The following CMYA5 variants were observed in gnomAD, a reference collection of about 807,000 sequenced individuals.
CMYA5 encodes cardiomyopathy associated 5.
A neutral mutation model predicts 318.9 loss-of-function variants in CMYA5; 246 were observed. The observed-to-expected ratio is 0.77, with a 90% CI of 0.70 to 0.86. CMYA5 has a LOEUF of 0.86. Ranked by LOEUF, CMYA5 falls within the 40% of genes least tolerant of loss-of-function variation. The pLI is 0.00. For missense variants in CMYA5, 4,589 were observed against 4,678.2 expected (o/e 0.98, Z 0.56); for synonymous variants, 1,641 against 1,729.5 (o/e 0.95, Z 1.27).
Position 79,731,791 on chromosome 5 carries a change from C to T in CMYA5, c.3026C>T (p.Pro1009Leu). The stretch of plus-strand genomic sequence containing the variant: ...GACTCAGCATCACAAGTTTCAATCC[C>T]TCCCTTTAGAATCTCAGAAACAGAG... ...SPDSASQVSIPPFRISETEKN... is the reference protein window; with the variant it reads ...SPDSASQVSILPFRISETEKN... The change falls in exon 2 of 13, where the codon CCT becomes CTT. Residue 1009 changes from proline (P) to leucine (L), a missense_variant. This residue lies in a region of CMYA5 where 2,132 missense variants were observed against 2,131.3 expected (regional missense o/e 1.00). Coordinates refer to ENST00000446378, the MANE Select transcript of CMYA5 (RefSeq NM_153610.5). The T allele has an allele frequency of 1.2e-6, 2 of 1,613,052 alleles. No individual in the cohort carries two copies. Among genetic ancestry groups the T allele is most frequent in the Non-Finnish European group, 1.7e-6 (2 of 1,179,572 alleles).
intron 1 of CMYA5, among the ~76,000 whole-genome samples, chr5:79,708,837 G>A (rs1315518773): frequency 6.6e-6 from 1 of 152,114 alleles, no homozygotes; most frequent in African/African-American, 2.4e-5. Context: ...CGGAGGCTGA[G>A]GCACAAGAAT....
chr5:79,693,685 G>A (rs376498476), intron 1 of CMYA5, among the ~76,000 whole-genome samples: 3 of 152,188 alleles, frequency 2.0e-5, no homozygotes, highest in East Asian at 1.9e-4. Context: ...TAGACCCCAG[G>A]TGTCTGGACT....
chr5:79,738,385 A>G lies in CMYA5; in HGVS notation c.9620A>G (p.Glu3207Gly). ...GAAGCAGTTGGAGAGAAAAAGAAGGAAGAGGAGACAGCTTCTGAAGGTGAC... is the reference window on the plus strand; with the variant it reads ...GAAGCAGTTGGAGAGAAAAAGAAGGGAGAGGAGACAGCTTCTGAAGGTGAC... Reference protein sequence around the residue: ...YEEAVGEKKKEEETASEGDSV... With the variant: ...YEEAVGEKKKGEETASEGDSV... The change falls in exon 2 of 13, where the codon GAA (glutamate) becomes GGA (glycine). Residue 3207 changes from glutamate to glycine, a missense_variant. By Grantham distance (98) the Glu-to-Gly change is moderately conservative. This residue lies in a region of CMYA5 where 2,431 missense variants were observed against 2,495.1 expected (regional missense o/e 0.97). Transcript: ENST00000446378. The G allele has an allele frequency of 6.2e-7, 1 of 1,613,754 alleles. No individual in the cohort carries two copies. The highest frequency in any genetic ancestry group is 8.5e-7 in the Non-Finnish European group (1 of 1,179,814).
Position 79,733,620 on chromosome 5 carries a change from T to C in CMYA5, c.4855T>C (p.Ser1619Pro). Reference sequence around the variant, plus strand: ...ACAAGATGTTGCTTTGGCAGAGCTGTCTTTGGAACCTGAGAAGAAAGACAA... The same window carrying C: ...ACAAGATGTTGCTTTGGCAGAGCTGCCTTTGGAACCTGAGAAGAAAGACAA... ...EKQDVALAELSLEPEKKDKPH... is the reference protein window; with the variant it reads ...EKQDVALAELPLEPEKKDKPH... The change falls in exon 2 of 13, where the codon TCT becomes CCT. Residue 1619 changes from serine to proline, a missense_variant. By Grantham distance (74) the Ser-to-Pro change is moderately conservative. This residue lies in a region of CMYA5 where 2,132 missense variants were observed against 2,131.3 expected (regional missense o/e 1.00). Transcript: ENST00000446378. The C allele has an allele frequency of 6.2e-7, 1 of 1,613,442 alleles. No individual in the cohort carries two copies. Among genetic ancestry groups the C allele is most frequent in the Non-Finnish European group, 8.5e-7 (1 of 1,179,754 alleles).
In CMYA5 at chr5:79,766,399, G is replaced by A. The variant is rs1036944413; in HGVS notation, c.11555+3190G>A. On this transcript the variant is annotated intron_variant, in intron 9 of 12. Coordinates refer to ENST00000446378, the MANE Select transcript of CMYA5 (RefSeq NM_153610.5). ...ACAAGGGTGAGTCACCGCGCCTGGC[G>A]CTTCCAGCTTTTGCTCATTCAGTGC... is the stretch of plus-strand genomic sequence containing the variant. Among the ~76,000 whole-genome samples, 60 of 152,244 alleles carry A rather than the reference G, an allele frequency of 3.9e-4. 1 individual carries two copies. The highest frequency in any genetic ancestry group is 1.3e-3 in the African/African-American group (55 of 41,550).
chr5:79,695,582 G>C (rs1024632824), intron 1 of CMYA5, among the ~76,000 whole-genome samples: 2 of 152,160 alleles, frequency 1.3e-5, no homozygotes, highest in African/African-American at 2.4e-5. Flanking sequence ...CTAGAAATCT[G>C]TTAGCTTCAT....
intron 1 of CMYA5, among the ~76,000 whole-genome samples, chr5:79,691,938 G>A (rs187315815): frequency 1.6e-3 from 237 of 152,284 alleles, no homozygotes; most frequent in Non-Finnish European, 2.5e-3. Context: ...CTAGGTTATA[G>A]GTAGGTTTAA....
At position 79,791,040 on chromosome 5, in the gene CMYA5, C is replaced by G. The variant is rs554463687; in HGVS notation, c.11760C>G (p.Ile3920Met). ...ALHISSSGTV[I>M]SFGERRRLTE... ...ACATTTCCTCAAGTGGGACAGTGAT[C>G]AGCTTTGGTGAGAGGAGACGGCTGA... is the stretch of plus-strand genomic sequence containing the variant. The change falls in exon 11 of 13, where the codon ATC becomes ATG. Residue 3920 changes from isoleucine (I) to methionine (M), a missense_variant. Ile to Met is a conservative substitution (Grantham distance 10). Around this residue, in one of 3 missense-constraint regions of CMYA5, gnomAD observed 2,431 missense variants for 2,495.1 expected, o/e 0.97. Transcript: ENST00000446378. The G allele has an allele frequency of 6.2e-7, 1 of 1,613,744 alleles. No homozygotes were observed. The highest frequency in any genetic ancestry group is 1.1e-5 in the South Asian group (1 of 91,006).
intron 9 of CMYA5, among the ~76,000 whole-genome samples, chr5:79,769,679 T>C (rs1828819339): frequency 6.6e-6 from 1 of 152,098 alleles, no homozygotes; most frequent in Non-Finnish European, 1.5e-5. Context: ...GGAAGCTTCA[T>C]CCCATAGAGG....
intron 1 of CMYA5, among the ~76,000 whole-genome samples, chr5:79,699,016 G>C (rs1227282767): frequency 6.6e-6 from 1 of 152,070 alleles, no homozygotes; most frequent in Non-Finnish European, 1.5e-5. Context: ...AAATTAGCTG[G>C]GCGTAGTTGC....
rs1829254559 is a variant in CMYA5 at position 79,795,182 on chromosome 5, G to C, written c.11963+1572G>C. On this transcript the variant is annotated intron_variant, in intron 12 of 12. Coordinates refer to ENST00000446378, the MANE Select transcript of CMYA5 (RefSeq NM_153610.5). ...TTGGAGTGGGTGCCATAGATTCTGG[G>C]AGAAAGAGTGTGTCCCTTTGTGTGG... 1.3e-5 allele frequency among the ~76,000 whole-genome samples: 2 copies of C among 152,108 alleles called. 1 individual carries two copies. The highest frequency in any genetic ancestry group is 1.3e-4 in the Admixed American group (2 of 15,272).
chr5:79,753,602 C>CAA (rs200633352), intron 6 of CMYA5, among the ~76,000 whole-genome samples: 1 of 151,982 alleles, frequency 6.6e-6, no homozygotes, highest in African/African-American at 2.4e-5. Context: ...ACAACAACAA[C>CAA]AACAAAAAAC....
intron 1 of CMYA5, among the ~76,000 whole-genome samples, chr5:79,699,027 G>A (rs944545953): frequency 2.6e-5 from 4 of 152,008 alleles, no homozygotes; most frequent in Non-Finnish European, 4.4e-5. Flanking sequence ...GCGTAGTTGC[G>A]TGCACCTGTA....
intron 1 of CMYA5, among the ~76,000 whole-genome samples, chr5:79,700,795 A>G (rs989471881): frequency 6.6e-6 from 1 of 152,196 alleles, no homozygotes; most frequent in Non-Finnish European, 1.5e-5. Flanking sequence ...GTTAAGGGAA[A>G]TAAGCCAAGC....
At chr5:79,711,513 T>A (rs79850893) in intron 1 of CMYA5, among the ~76,000 whole-genome samples, 4,195 of 152,334 alleles carry the variant, frequency 0.028, 194 homozygotes, top group African/African-American at 0.095. Context: ...TTGTAAATTA[T>A]GTTCTTGAGA....
chr5:79,799,703 A>G lies in CMYA5; in HGVS notation c.*87A>G, dbSNP rs1044098339. On this transcript the variant is annotated 3_prime_UTR_variant, in exon 13 of 13. Transcript: ENST00000446378. ...TCCTTTAGGTGCTATACATTATTCA[A>G]AAAGTCTCCCGCGCATTTGCACTAA... 1.4e-6 allele frequency: 2 copies of G among 1,471,466 alleles called. No homozygotes were observed. Among genetic ancestry groups the G allele is most frequent in the East Asian group, 2.5e-5 (1 of 40,330 alleles). The allele number at this position is 1,471,466 out of a possible 1,614,324, so 91.2% of individuals were successfully genotyped here.
Position 79,730,722 on chromosome 5 carries a change from C to G in CMYA5, c.1957C>G (p.Leu653Val). Residue 653 changes from leucine (L) to valine (V), a missense_variant, in exon 2 of 13, where the codon CTC (leucine) becomes GTC (valine). Physicochemically the swap from Leu to Val is conservative, Grantham distance 32. Transcript: ENST00000446378. ...TGCAGCCCCTACATCTGAGAGCTCT[C>G]TCTCACCATCCACAACTGAGAAGAC... Reference protein sequence around the residue: ...PAAAPTSESSLSPSTTEKTSE... With the variant: ...PAAAPTSESSVSPSTTEKTSE... The G allele has an allele frequency of 6.2e-7, 1 of 1,613,890 alleles. No homozygotes were observed.
Position 79,735,918 on chromosome 5 carries a change from C to CCACAACA in CMYA5, c.7154_7160dup (p.Gln2387HisfsTer14). On this transcript the variant is annotated frameshift_variant, in exon 2 of 13. Coordinates refer to ENST00000446378, the MANE Select transcript of CMYA5 (RefSeq NM_153610.5). LOFTEE classifies it high-confidence loss of function. ...TTCATTTGATGTAGTAGATAAGGTG[C>CCACAACA]CACAACAGCCAAAATCAGCTTCCTC... 1 of 1,608,038 alleles carries CCACAACA rather than the reference C, an allele frequency of 6.2e-7. No homozygotes were observed. The highest frequency in any genetic ancestry group is 1.1e-5 in the South Asian group (1 of 89,456).
chr5:79,778,263 G>T (rs977224483), intron 9 of CMYA5: 1 of 152,152 alleles, frequency 6.6e-6, no homozygotes, highest in Non-Finnish European at 1.5e-5. Context: ...AAATATATTT[G>T]TAAATTAAAT....
Sources: gnomAD v4.1 joint callset for allele counts (sites outside exome capture counted in the v4.1 genomes callset) on GRCh38, gnomAD v4.1.1 for gene constraint, gnomAD v4.1.1 regional missense constraint, MANE v1.5 for transcripts, NCBI Gene and HGNC (gene_info 2026-07-23, HGNC 2026-07-21) for gene names.